The following DST variants were observed in gnomAD, a reference collection of about 807,000 sequenced individuals.
DST encodes the protein bullous pemphigoid antigen.
In DST, 253 loss-of-function variants were observed where a neutral mutation model predicts 875.2. The ratio of observed to expected loss-of-function variants is 0.29; its 90% CI spans 0.26 to 0.32. The LOEUF (loss-of-function observed/expected upper bound fraction) is 0.32, where lower values mean the gene tolerates loss of function less well. Among genes scored for constraint, DST ranks in the 10% least tolerant of loss-of-function variants. The pLI, the probability that DST is intolerant of heterozygous loss-of-function variation, is 1.00. For synonymous variants in DST, 3,124 were observed against 3,197.1 expected (o/e 0.98, Z 0.77); for missense variants, 8,287 against 9,111.6 (o/e 0.91, Z 3.68).
At position 56,631,351 on chromosome 6, in the gene DST, CA is replaced by C; in HGVS notation, c.4001del (p.Leu1334TrpfsTer35). The C allele has an allele frequency of 6.2e-7, 1 of 1,613,874 alleles. No individual in the cohort carries two copies. The highest frequency in any genetic ancestry group is 1.6e-4 in the Middle Eastern group (1 of 6,062). ...KKELERLKDD[L>X]GTITNKCEEF... The stretch of plus-strand genomic sequence containing the variant: ...CCTCACACTTATTTGTGATTGTTCC[CA>C]AATCATCTTTAAGTCGTTCCAGCTC... On this transcript the variant is annotated frameshift_variant, in exon 30 of 104. Coordinates refer to ENST00000680361, the MANE Select transcript of DST (RefSeq NM_001374736.1). LOFTEE classifies it high-confidence loss of function.
At chr6:56,781,644 G>C (rs1185149624) in intron 4 of DST, among the ~76,000 whole-genome samples, 2 of 152,140 alleles carry the variant, frequency 1.3e-5, no homozygotes, top group Admixed American at 1.3e-4. Flanking sequence ...GGGTTTTCTA[G>C]ATATACAATC....
chr6:56,860,343 A>G (rs1035956921), intron 3 of DST, among the ~76,000 whole-genome samples: 4 of 152,234 alleles, frequency 2.6e-5, no homozygotes, highest in African/African-American at 9.6e-5. Context: ...ATTTTTAAAA[A>G]TAAGAAAACT....
intron 3 of DST, among the ~76,000 whole-genome samples, chr6:56,864,495 T>A (rs2127596873): frequency 6.6e-6 from 1 of 152,246 alleles, no homozygotes; most frequent in South Asian, 2.1e-4. Context: ...TTTACAGTTT[T>A]ATGGAAAGTA....
intron 72 of DST, among the ~76,000 whole-genome samples, chr6:56,514,785 A>G (rs2096558179): frequency 1.3e-5 from 2 of 152,170 alleles, no homozygotes. Context: ...TTTAAGCCAT[A>G]TTAACAATTA....
chr6:56,578,981 T>A (rs199917510), intron 49 of DST, 44 bp from the exon 50 acceptor site: 3 of 1,455,042 alleles, frequency 2.1e-6, no homozygotes, highest in Admixed American at 2.5e-5. Context: ...CAGGACTAAA[T>A]AATAGATTTC....
At chr6:56,485,167 A>T in intron 88 of DST, 145 bp downstream of exon 88, 1 of 856,852 alleles carries the variant, frequency 1.2e-6, no homozygotes, top group Non-Finnish European at 1.8e-6. Flanking sequence ...TTCTGCTCAA[A>T]CGGACACATA....
At chr6:56,792,132 C>G (rs2153007052) in intron 4 of DST, among the ~76,000 whole-genome samples, 1 of 151,112 alleles carries the variant, frequency 6.6e-6, no homozygotes, top group Non-Finnish European at 1.5e-5. Flanking sequence ...CAAAAATAAT[C>G]ACAATGATAA....
chr6:56,821,452 A>G (rs2099772972), intron 4 of DST, among the ~76,000 whole-genome samples: 1 of 152,214 alleles, frequency 6.6e-6, no homozygotes, highest in Non-Finnish European at 1.5e-5. Flanking sequence ...GGGCTTAAAG[A>G]GTACAAGGAC....
In DST at chr6:56,608,408, A is replaced by G. The variant is rs188683866; in HGVS notation, c.6220T>C (p.Trp2074Arg). 1.2e-3 allele frequency: 1,898 copies of G among 1,613,668 alleles called. 9 individuals are homozygous for G. The highest frequency in any genetic ancestry group is 6.7e-4 in the Non-Finnish European group (785 of 1,179,800). ...EAQRGYVGLI[W>R]PHSGEIFPTS... ...GGAAATATTTCACCAGAATGGGGCC[A>G]AATGAGTCCAACATAGCCTCGCTGA... The change falls in exon 40 of 104, where the codon TGG (tryptophan) becomes CGG (arginine). Residue 2074 changes from tryptophan (W) to arginine (R), a missense_variant. By Grantham distance (101) the Trp-to-Arg change is moderately radical. Coordinates refer to ENST00000680361, the MANE Select transcript of DST (RefSeq NM_001374736.1).
At chr6:56,550,704 G>A (rs981923349) in intron 61 of DST, among the ~76,000 whole-genome samples, 2 of 152,144 alleles carry the variant, frequency 1.3e-5, no homozygotes, top group African/African-American at 2.4e-5. Flanking sequence ...ACAGGAAACC[G>A]AAAGAAATCA....
At chr6:56,722,789 G>C (rs1396195974) in intron 5 of DST, among the ~76,000 whole-genome samples, 1 of 152,184 alleles carries the variant, frequency 6.6e-6, no homozygotes, top group Admixed American at 6.5e-5. Context: ...GTAAATAGCT[G>C]AACATGTACA....
chr6:56,853,195 T>C (rs141756970), intron 3 of DST, among the ~76,000 whole-genome samples: 1 of 152,332 alleles, frequency 6.6e-6, no homozygotes, highest in East Asian at 1.9e-4. Context: ...TCATCTTGGC[T>C]AATTTATTTA....
At chr6:56,654,614 G>GTATATATA (rs2098995635) in intron 10 of DST, among the ~76,000 whole-genome samples, 2 of 122,516 alleles carry the variant, frequency 1.6e-5, no homozygotes, top group African/African-American at 9.3e-5. Context: ...ATCTCCACAC[G>GTATATATA]TATATATACA....
At chr6:56,477,251 C>T (rs1452323760) in intron 91 of DST, 94 bp downstream of exon 91, 1 of 1,350,392 alleles carries the variant, frequency 7.4e-7, no homozygotes. Flanking sequence ...CTCATTTTCC[C>T]ATGGCCATAA....
chr6:56,700,982 T>C (rs992859614), intron 8 of DST, among the ~76,000 whole-genome samples: 1 of 79,436 alleles, frequency 1.3e-5, no homozygotes, highest in Non-Finnish European at 2.6e-5. Context: ...TTCTCTTGCC[T>C]TTTTTTTTTT....
At chr6:56,638,383 A>G (rs1052166744) in intron 22 of DST, among the ~76,000 whole-genome samples, 2 of 152,174 alleles carry the variant, frequency 1.3e-5, no homozygotes, top group Admixed American at 6.5e-5. Flanking sequence ...GATCATACAT[A>G]ACATCCCTAA....
chr6:56,560,637 C>T (rs2097524088), intron 57 of DST, among the ~76,000 whole-genome samples: 1 of 151,982 alleles, frequency 6.6e-6, no homozygotes, highest in Non-Finnish European at 1.5e-5. Flanking sequence ...CAGAGGAACA[C>T]TATGACTATG....
intron 82 of DST, among the ~76,000 whole-genome samples, chr6:56,494,704 A>T (rs2095853901): frequency 6.6e-6 from 1 of 152,156 alleles, no homozygotes; most frequent in Non-Finnish European, 1.5e-5. Context: ...TAAGAATCAA[A>T]CTTGTGGTAC....
chr6:56,603,860 A>G lies in DST; in HGVS notation c.10768T>C (p.Ser3590Pro), dbSNP rs2152707274. The G allele has an allele frequency of 6.2e-7, 1 of 1,610,630 alleles. No homozygotes were observed. The highest frequency in any genetic ancestry group is 2.2e-5 in the East Asian group (1 of 44,798). The change falls in exon 40 of 104, where the codon TCT becomes CCT. Residue 3590 changes from serine (S) to proline (P), a missense_variant. By Grantham distance (74) the Ser-to-Pro change is moderately conservative. This residue lies in a region of DST where 3,138 missense variants were observed against 3,116.6 expected (regional missense o/e 1.01). Transcript: ENST00000680361. ...ECTSGSKEMASGDSSTEQFSS... is the reference protein window; with the variant it reads ...ECTSGSKEMAPGDSSTEQFSS... ...ACTTGTTCGGTTGAGCTATCTCCAG[A>G]AGCCATCTCTTTAGACCCTGAAGTA...
Sources: gnomAD v4.1 joint callset for allele counts (sites outside exome capture counted in the v4.1 genomes callset) on GRCh38, gnomAD v4.1.1 for gene constraint, gnomAD v4.1.1 regional missense constraint, MANE v1.5 for transcripts, NCBI Gene and HGNC (gene_info 2026-07-23, HGNC 2026-07-21) for gene names.